Variants in PTPRD observed in about 807,000 individuals in gnomAD.
PTPRD encodes the protein protein tyrosine phosphatase receptor type D.
Under a neutral mutation model 214.5 loss-of-function variants are expected in PTPRD, and 34 were observed. That is an observed-to-expected ratio of 0.16 (90% CI 0.12 to 0.21). PTPRD has a LOEUF of 0.21. Among genes scored for constraint, PTPRD ranks in the 10% least tolerant of loss-of-function variants. The pLI is 1.00. For synonymous variants in PTPRD, 1,128 were observed against 845.7 expected, an observed-to-expected ratio of 1.33 and a Z score of -5.79; for missense variants, 2,545 against 2,398.7, an observed-to-expected ratio of 1.06 and a Z score of -1.27.
chr9:10,198,511 C>T (rs971971375), intron 3 of PTPRD, among the ~76,000 whole-genome samples: 3 of 152,014 alleles, frequency 2.0e-5, no homozygotes, highest in Admixed American at 2.0e-4. Flanking sequence ...ATTCACAGGA[C>T]ATTTGATGCC....
rs142008300 is a variant in PTPRD, at chr9:9,057,101, C to T, written c.-142-38366G>A. Among the ~76,000 whole-genome samples the T allele has an allele frequency of 9.7e-4, 148 of 152,160 alleles. 1 individual carries two copies. The highest frequency in any genetic ancestry group is 3.5e-3 in the African/African-American group (144 of 41,518). On this transcript the variant is annotated intron_variant, in intron 10 of 45. Coordinates refer to ENST00000381196, the MANE Select transcript of PTPRD (RefSeq NM_002839.4). ...TCTTCATAAACCTTAAATAGCTATA[C>T]AAACATATTAAATAGTTGGCATTAT... is the stretch of plus-strand genomic sequence containing the variant.
chr9:9,381,283 T>C (rs2062137083), intron 9 of PTPRD, among the ~76,000 whole-genome samples: 1 of 152,060 alleles, frequency 6.6e-6, no homozygotes, highest in South Asian at 2.1e-4. Flanking sequence ...TCCTTCACTC[T>C]TTTACTGCCT....
chr9:9,352,531 T>G (rs1295850622), intron 9 of PTPRD, among the ~76,000 whole-genome samples: 3 of 151,902 alleles, frequency 2.0e-5, no homozygotes, highest in Admixed American at 6.6e-5. Context: ...CTTCTGGAGT[T>G]AGTCCAGAGA....
At chr9:8,661,567 G>A (rs1455253531) in intron 12 of PTPRD, among the ~76,000 whole-genome samples, 2 of 152,072 alleles carry the variant, frequency 1.3e-5, no homozygotes, top group African/African-American at 4.8e-5. Context: ...AAGAATAGCT[G>A]TAATTTTACA....
chr9:8,882,325 C>T (rs969327864), intron 11 of PTPRD, among the ~76,000 whole-genome samples: 1 of 152,094 alleles, frequency 6.6e-6, no homozygotes, highest in Non-Finnish European at 1.5e-5. Flanking sequence ...CCAATCCAAT[C>T]TTCTTGTTTT....
intron 2 of PTPRD, among the ~76,000 whole-genome samples, chr9:10,399,366 T>C (rs980129126): frequency 1.1e-4 from 16 of 151,920 alleles, no homozygotes; most frequent in Non-Finnish European, 2.2e-4. Flanking sequence ...GGAAACACAG[T>C]AGTGGTTTTA....
At chr9:9,837,322 G>A (rs756238201) in intron 5 of PTPRD, among the ~76,000 whole-genome samples, 2 of 152,260 alleles carry the variant, frequency 1.3e-5, no homozygotes, top group Middle Eastern at 3.4e-3. Context: ...ATGAGAGATA[G>A]TTACAATATC....
intron 14 of PTPRD, among the ~76,000 whole-genome samples, chr9:8,565,128 C>G (rs537177081): frequency 3.3e-5 from 5 of 151,528 alleles, no homozygotes; most frequent in African/African-American, 4.8e-5. Flanking sequence ...GCTCCCTGCT[C>G]GTGGAGTTTC....
chr9:8,827,845 T>A (rs184971675), intron 11 of PTPRD, among the ~76,000 whole-genome samples: 1 of 152,336 alleles, frequency 6.6e-6, no homozygotes, highest in African/African-American at 2.4e-5. Flanking sequence ...TGAACTTGAA[T>A]AGGACCTATT....
intron 5 of PTPRD, among the ~76,000 whole-genome samples, chr9:9,888,492 C>T (rs1252686927): frequency 1.3e-5 from 2 of 152,022 alleles, no homozygotes; most frequent in Non-Finnish European, 2.9e-5. Context: ...AGAGGGTTCC[C>T]TTGTGAATGG....
intron 2 of PTPRD, among the ~76,000 whole-genome samples, chr9:10,495,947 G>T (rs192699713): frequency 1.1e-4 from 17 of 151,748 alleles, no homozygotes; most frequent in Admixed American, 9.9e-4. Flanking sequence ...CATTATCAAA[G>T]TTGTATTTAG....
intron 10 of PTPRD, among the ~76,000 whole-genome samples, chr9:9,067,214 G>C (rs1376828365): frequency 1.3e-5 from 2 of 152,202 alleles, no homozygotes; most frequent in African/African-American, 4.8e-5. Context: ...TGGGCAATAA[G>C]AGTGAGACTC....
intron 3 of PTPRD, among the ~76,000 whole-genome samples, chr9:10,228,252 T>A (rs945099945): frequency 6.6e-6 from 1 of 152,052 alleles, no homozygotes; most frequent in Non-Finnish European, 1.5e-5. Context: ...TTTCCAACAT[T>A]GAACCTCAAG....
intron 3 of PTPRD, among the ~76,000 whole-genome samples, chr9:10,097,723 C>G (rs2098506144): frequency 6.6e-6 from 1 of 151,758 alleles, no homozygotes. Context: ...AATTGAATGC[C>G]CTTTATTTCC....
intron 8 of PTPRD, among the ~76,000 whole-genome samples, chr9:9,426,283 C>G (rs1419646456): frequency 2.0e-5 from 3 of 152,178 alleles, no homozygotes; most frequent in Non-Finnish European, 4.4e-5. Flanking sequence ...CTCAGAGGGT[C>G]CCACGCCCAT....
At chr9:9,774,977 C>T (rs1222533015) in intron 5 of PTPRD, among the ~76,000 whole-genome samples, 3 of 152,094 alleles carry the variant, frequency 2.0e-5, no homozygotes, top group Non-Finnish European at 4.4e-5. Context: ...TGACATTATG[C>T]TGGGTTGTAC....
At chr9:9,877,835 C>T (rs755800563) in intron 5 of PTPRD, among the ~76,000 whole-genome samples, 1 of 151,808 alleles carries the variant, frequency 6.6e-6, no homozygotes, top group Admixed American at 6.6e-5. Flanking sequence ...TAGCCAGGCA[C>T]GGTGGCCCAT....
chr9:9,501,137 A>C (rs1284508490), intron 8 of PTPRD, among the ~76,000 whole-genome samples: 1 of 152,028 alleles, frequency 6.6e-6, no homozygotes, highest in Non-Finnish European at 1.5e-5. Context: ...GCAAGGTAAA[A>C]ACTTAAATAT....
At chr9:8,415,032 G>A (rs2093828321) in intron 35 of PTPRD, among the ~76,000 whole-genome samples, 1 of 150,968 alleles carries the variant, frequency 6.6e-6, no homozygotes, top group Non-Finnish European at 1.5e-5. Flanking sequence ...ACTATCACAT[G>A]GATAGGTGGG....
Sources: gnomAD v4.1 joint callset for allele counts (sites outside exome capture counted in the v4.1 genomes callset) on GRCh38, gnomAD v4.1.1 for gene constraint, MANE v1.5 for transcripts, NCBI Gene and HGNC (gene_info 2026-07-23, HGNC 2026-07-21) for gene names.